Variants in TMCO1 observed in about 807,000 individuals in gnomAD.
TMCO1 encodes calcium load-activated calcium channel.
Under a neutral mutation model 29.3 loss-of-function variants are expected in TMCO1, and 29 were observed. The observed-to-expected ratio is 0.99, with a 90% CI of 0.74 to 1.35. The LOEUF is 1.35. Among genes scored for constraint, TMCO1 ranks in the 40% most tolerant of loss-of-function variants. The pLI is 0.00. For synonymous variants in TMCO1, 80 were observed against 77.1 expected, an observed-to-expected ratio of 1.04 and a Z score of -0.20; for missense variants, 173 against 225.5, an observed-to-expected ratio of 0.77 and a Z score of 1.49.
chr1:165,754,171 A>T, intron 4 of TMCO1, 57 bp downstream of exon 4: 1 of 1,438,326 alleles, frequency 7.0e-7, no homozygotes, highest in South Asian at 1.1e-5. Flanking sequence ...GATGTAAATC[A>T]GTCTTTTGCT....
At chr1:165,767,397 T>C (rs558572034) in intron 2 of TMCO1, among the ~76,000 whole-genome samples, 85 of 152,358 alleles carry the variant, frequency 5.6e-4, no homozygotes, top group African/African-American at 2.0e-3. Context: ...CAAACCCTTC[T>C]TGTTTTTAAT....
rs1558026164 is a variant in TMCO1, at chr1:165,726,962, A to AAATTATGT, written c.*1053_*1060dup. On this transcript the variant is annotated 3_prime_UTR_variant, in exon 7 of 7. Coordinates refer to ENST00000367881, the MANE Select transcript of TMCO1 (RefSeq NM_019026.6). ...GTTGGTTTAACAATGATTACCTTGAAAATTATGTGTTTTTTCTCACTGGTA... is the reference window on the plus strand; with the variant it reads ...GTTGGTTTAACAATGATTACCTTGAAAATTATGTAATTATGTGTTTTTTCTCACTGGTA... 2 of 454,120 alleles carry AAATTATGT rather than the reference A, an allele frequency of 4.4e-6. No individual in the cohort carries two copies. Among genetic ancestry groups the AAATTATGT allele is most frequent in the African/African-American group, 4.0e-5 (2 of 50,134 alleles). The allele number at this position is 454,120 out of a possible 1,614,324, so 28.1% of individuals were successfully genotyped here. A position where few individuals can be genotyped will look rare whatever the true frequency, so the allele number is the denominator to read the frequency against.
At chr1:165,725,205 T>A (rs1347851171), downstream of TMCO1, 1 of 453,270 alleles carries the variant, frequency 2.2e-6, no homozygotes, top group Middle Eastern at 6.9e-4. Flanking sequence ...AGTATTGAAA[T>A]ACATAAAATA....
intron 3 of TMCO1, among the ~76,000 whole-genome samples, chr1:165,758,171 C>T (rs1371306392): frequency 6.6e-6 from 1 of 152,126 alleles, no homozygotes; most frequent in African/African-American, 2.4e-5. Context: ...CTGACACTCT[C>T]CTCTCAACTT....
At chr1:165,753,811 TA>T (rs1558039014) in intron 4 of TMCO1, among the ~76,000 whole-genome samples, 1 of 151,662 alleles carries the variant, frequency 6.6e-6, no homozygotes, top group Admixed American at 6.6e-5. Flanking sequence ...ATCCTGTCTC[TA>T]AAAAAGAAAA....
In TMCO1 at chr1:165,759,537, TC is replaced by T; in HGVS notation, c.195del (p.Lys67ArgfsTer3). On this transcript the variant is annotated frameshift_variant, in exon 3 of 7. Transcript: ENST00000367881. LOFTEE classifies it high-confidence loss of function. ...ETITESAGRQ[Q>X]KKKIERQEEK... is the part of the protein sequence containing the mutation. ...TATCTCATCTTACCTATTTTCTTTT[TC>T]TGTTGTCGACCAGCTGACTCTGTTA... 6.2e-7 allele frequency: 1 copy of T among 1,612,442 alleles called. No individual in the cohort carries two copies. Among genetic ancestry groups the T allele is most frequent in the Non-Finnish European group, 8.5e-7 (1 of 1,179,138 alleles).
rs1251758791 is a variant in TMCO1 at position 165,752,338 on chromosome 1, T to A, written c.256-169A>T. 2.0e-5 allele frequency among the ~76,000 whole-genome samples: 3 copies of A among 146,418 alleles called. No individual in the cohort carries two copies. The East Asian group carries it at 6.5e-4, about 32-fold the overall frequency. The stretch of plus-strand genomic sequence containing the variant: ...GGCGCAATCTCGGCTCACTGCAAGC[T>A]CCGTCCCCCCGGGTTCACGCCATTC... On this transcript the variant is annotated intron_variant, in intron 4 of 6. Transcript: ENST00000367881.
Position 165,728,112 on chromosome 1 carries a change from T to C in TMCO1, c.478A>G (p.Lys160Glu). Reference protein sequence around the residue: ...CTMSIRQNIQKILGLAPSRAA... With the variant: ...CTMSIRQNIQEILGLAPSRAA... ...CGTGAAGGGGCAAGGCCGAGAATCT[T>C]CTGAATGTTCTGTGAAGAAAGCACA... Residue 160 changes from lysine to glutamate, a missense_variant, in exon 7 of 7, where the codon AAG (lysine) becomes GAG (glutamate). Physicochemically the swap from Lys to Glu is moderately conservative, Grantham distance 56. Coordinates refer to ENST00000367881, the MANE Select transcript of TMCO1 (RefSeq NM_019026.6). The C allele has an allele frequency of 6.2e-7, 1 of 1,607,322 alleles. No individual in the cohort carries two copies. Among genetic ancestry groups the C allele is most frequent in the South Asian group, 1.1e-5 (1 of 90,930 alleles).
chr1:165,732,998 A>C (rs1056481785), intron 6 of TMCO1, among the ~76,000 whole-genome samples: 1 of 152,238 alleles, frequency 6.6e-6, no homozygotes, highest in African/African-American at 2.4e-5. Flanking sequence ...AACAACAATA[A>C]TAATGGTTAA....
At chr1:165,752,008 C>T in intron 5 of TMCO1, 94 bp downstream of exon 5, 1 of 1,014,562 alleles carries the variant, frequency 9.9e-7, no homozygotes, top group Non-Finnish European at 1.5e-6. Flanking sequence ...GAAATTACAT[C>T]AAAATAAAAT....
intron 5 of TMCO1, among the ~76,000 whole-genome samples, chr1:165,744,950 C>T (rs11587339): frequency 0.07 from 10,689 of 152,082 alleles, 489 homozygotes; most frequent in Non-Finnish European, 0.1. Flanking sequence ...TCCTTCCCTT[C>T]TTAGTCTAAC....
chr1:165,759,823 T>C (rs1445969790), intron 2 of TMCO1, among the ~76,000 whole-genome samples: 1 of 152,154 alleles, frequency 6.6e-6, no homozygotes, highest in East Asian at 1.9e-4. Flanking sequence ...CATAAAGAAT[T>C]GTATTGATAT....
intron 3 of TMCO1, among the ~76,000 whole-genome samples, chr1:165,759,160 A>G (rs947992141): frequency 1.3e-5 from 2 of 152,222 alleles, no homozygotes; most frequent in East Asian, 3.8e-4. Flanking sequence ...AATACTCAGT[A>G]AGGAAGCCAT....
chr1:165,744,071 G>A (rs1046723147), intron 5 of TMCO1, among the ~76,000 whole-genome samples: 6 of 152,054 alleles, frequency 3.9e-5, no homozygotes, highest in Non-Finnish European at 7.4e-5. Flanking sequence ...TGTTGGCCTT[G>A]ATGGTCTCGA....
chr1:165,750,888 G>C (rs919149701), intron 5 of TMCO1, among the ~76,000 whole-genome samples: 1 of 152,038 alleles, frequency 6.6e-6, no homozygotes, highest in East Asian at 1.9e-4. Context: ...TGGCCAACAT[G>C]GTGAAACCCC....
chr1:165,765,736 T>C (rs1652543897), intron 2 of TMCO1, among the ~76,000 whole-genome samples: 1 of 152,186 alleles, frequency 6.6e-6, no homozygotes, highest in South Asian at 2.1e-4. Flanking sequence ...CACAAGAGTA[T>C]GGCTAGTATG....
At chr1:165,755,930 T>C (rs1652176366) in intron 3 of TMCO1, among the ~76,000 whole-genome samples, 1 of 151,918 alleles carries the variant, frequency 6.6e-6, no homozygotes, top group South Asian at 2.1e-4. Flanking sequence ...CAGGAATTTA[T>C]GCTAGAAAAT....
downstream of TMCO1, chr1:165,725,237 A>C (rs1432438577): frequency 4.4e-6 from 2 of 453,872 alleles, no homozygotes; most frequent in Non-Finnish European, 8.8e-6. Flanking sequence ...TCTGAAAAAA[A>C]CCTACTCCAT....
At chr1:165,728,791 G>A (rs1651004363) in intron 6 of TMCO1, among the ~76,000 whole-genome samples, 1 of 151,864 alleles carries the variant, frequency 6.6e-6, no homozygotes, top group Admixed American at 6.6e-5. Flanking sequence ...TGTCATTACT[G>A]CACTGTCTAT....
Sources: gnomAD v4.1 joint callset for allele counts (sites outside exome capture counted in the v4.1 genomes callset) on GRCh38, gnomAD v4.1.1 for gene constraint, MANE v1.5 for transcripts, NCBI Gene and HGNC (gene_info 2026-07-23, HGNC 2026-07-21) for gene names.